FGF14: variants seen among roughly 807,000 people sequenced by gnomAD.
FGF14 encodes fibroblast growth factor 14.
A neutral mutation model predicts 25.5 loss-of-function variants in FGF14; 5 were observed. That is an observed-to-expected ratio of 0.20 (90% CI 0.10 to 0.41). The LOEUF (loss-of-function observed/expected upper bound fraction) is 0.41, where lower values mean the gene tolerates loss of function less well. Among genes scored for constraint, FGF14 ranks in the 10% least tolerant of loss-of-function variants. The pLI is 1.00. For missense variants in FGF14, 222 were observed against 320.1 expected, an observed-to-expected ratio of 0.69 and a Z score of 2.34; for synonymous variants, 138 against 118.3, an observed-to-expected ratio of 1.17 and a Z score of -1.08.
At chr13:101,881,614 T>A (rs1020794439) in intron 1 of FGF14, among the ~76,000 whole-genome samples, 1 of 145,796 alleles carries the variant, frequency 6.9e-6, no homozygotes, top group African/African-American at 2.6e-5. Context: ...TGATAACATT[T>A]GGGATCCAAG....
chr13:101,915,363 A>C (rs772722967), intron 1 of FGF14, among the ~76,000 whole-genome samples: 5 of 152,236 alleles, frequency 3.3e-5, no homozygotes, highest in Non-Finnish European at 7.3e-5. Flanking sequence ...GGCATTTAAA[A>C]CAAATACAGC....
intron 3 of FGF14, among the ~76,000 whole-genome samples, chr13:101,782,216 TATTTA>T (rs143634521): frequency 0.013 from 1,957 of 152,332 alleles, 55 homozygotes; most frequent in African/African-American, 0.045. Flanking sequence ...GCGTTAGCCA[TATTTA>T]ATTACTTAGC....
intron 1 of FGF14, among the ~76,000 whole-genome samples, chr13:102,281,505 C>T (rs530401681): frequency 2.5e-4 from 38 of 152,210 alleles, no homozygotes; most frequent in African/African-American, 9.2e-4. Context: ...AGTGCTTTGA[C>T]CTGACTCTAC....
Position 101,715,739 on chromosome 13 carries a change from C to G in FGF14, c.*7092G>C. ...CGAAGGAAACCATGTATATTCACCA[C>G]TAGGACAGGTTAAAAAGACCATTGT... On this transcript the variant is annotated 3_prime_UTR_variant, in exon 5 of 5. Transcript: ENST00000376143. The G allele has an allele frequency of 1.2e-6, 1 of 802,462 alleles. No homozygotes were observed. The highest frequency in any genetic ancestry group is 2.5e-5 in the East Asian group (1 of 40,382). The allele number at this position is 802,462 out of a possible 1,614,324, so 49.7% of individuals were successfully genotyped here. A position where few individuals can be genotyped will look rare whatever the true frequency, so the allele number is the denominator to read the frequency against.
At chr13:102,137,583 C>T (rs1003845206) in intron 1 of FGF14, among the ~76,000 whole-genome samples, 4 of 152,098 alleles carry the variant, frequency 2.6e-5, no homozygotes, top group Non-Finnish European at 4.4e-5. Flanking sequence ...CTGTCAACAC[C>T]TTGAATTTGT....
intron 1 of FGF14, among the ~76,000 whole-genome samples, chr13:102,057,916 G>A (rs1021235031): frequency 6.6e-6 from 1 of 152,162 alleles, no homozygotes; most frequent in Non-Finnish European, 1.5e-5. Context: ...CCATCACTAA[G>A]CATACTTTGT....
intron 1 of FGF14, among the ~76,000 whole-genome samples, chr13:101,968,329 C>G (rs1352451924): frequency 6.6e-6 from 1 of 151,978 alleles, no homozygotes; most frequent in Non-Finnish European, 1.5e-5. Flanking sequence ...AAATATTTTA[C>G]CTGTTGGATG....
At chr13:102,363,271 C>T (rs1473196024) in intron 1 of FGF14, among the ~76,000 whole-genome samples, 1 of 152,088 alleles carries the variant, frequency 6.6e-6, no homozygotes, top group African/African-American at 2.4e-5. Context: ...ATTAGAGTTG[C>T]TAATTTATTT....
chr13:101,976,833 G>C (rs1458451692), intron 1 of FGF14, among the ~76,000 whole-genome samples: 1 of 152,152 alleles, frequency 6.6e-6, no homozygotes, highest in Non-Finnish European at 1.5e-5. Flanking sequence ...CCCCAACTTG[G>C]TAGTTTATGC....
chr13:101,986,515 A>T (rs1239372196), intron 1 of FGF14, among the ~76,000 whole-genome samples: 1 of 152,136 alleles, frequency 6.6e-6, no homozygotes, highest in African/African-American at 2.4e-5. Context: ...ACCCCAAAGA[A>T]AAAGAGTGTT....
chr13:102,033,455 A>T (rs1051343366), intron 1 of FGF14, among the ~76,000 whole-genome samples: 3 of 152,052 alleles, frequency 2.0e-5, no homozygotes, highest in African/African-American at 7.2e-5. Flanking sequence ...AGCTTAACAG[A>T]CCCATTCAAA....
At chr13:101,781,475 G>C (rs1226025243) in intron 3 of FGF14, among the ~76,000 whole-genome samples, 1 of 152,076 alleles carries the variant, frequency 6.6e-6, no homozygotes, top group Non-Finnish European at 1.5e-5. Context: ...TTCAATTGTT[G>C]CATTTTCTAA....
chr13:102,397,934 C>A (rs144945925), intron 1 of FGF14, among the ~76,000 whole-genome samples: 1 of 152,052 alleles, frequency 6.6e-6, no homozygotes, highest in East Asian at 1.9e-4. Flanking sequence ...TTGCATGACT[C>A]CTACAGTGAA....
At chr13:101,782,465 G>A (rs998943861) in intron 3 of FGF14, among the ~76,000 whole-genome samples, 5 of 152,098 alleles carry the variant, frequency 3.3e-5, no homozygotes, top group Middle Eastern at 6.8e-3. Flanking sequence ...TTTGTTGCAC[G>A]GATTATTTCA....
intron 3 of FGF14, among the ~76,000 whole-genome samples, chr13:101,817,926 C>T (rs74121040): frequency 2.2e-3 from 342 of 152,312 alleles, no homozygotes; most frequent in Middle Eastern, 6.8e-3. Context: ...TTAGTTACCA[C>T]GTACGATTGT....
intron 1 of FGF14, among the ~76,000 whole-genome samples, chr13:102,152,783 T>C (rs1421434635): frequency 1.3e-5 from 2 of 152,208 alleles, no homozygotes; most frequent in Non-Finnish European, 2.9e-5. Flanking sequence ...TGCATTTTAT[T>C]CTTAGAGCTT....
At chr13:102,161,659 AAG>A (rs2047741396) in intron 1 of FGF14, among the ~76,000 whole-genome samples, 1 of 27,460 alleles carries the variant, frequency 3.6e-5, no homozygotes, top group African/African-American at 1.4e-4. Flanking sequence ...GAAGAAGAAG[AAG>A]AAGAAGAAGA....
intron 1 of FGF14, among the ~76,000 whole-genome samples, chr13:102,150,158 T>C (rs1462869411): frequency 6.6e-6 from 1 of 152,124 alleles, no homozygotes; most frequent in African/African-American, 2.4e-5. Context: ...ATGACTGCAG[T>C]CAAGTCCCTT....
At chr13:102,046,907 T>C (rs905982346) in intron 1 of FGF14, among the ~76,000 whole-genome samples, 2 of 152,174 alleles carry the variant, frequency 1.3e-5, no homozygotes, top group African/African-American at 2.4e-5. Context: ...GCTGTCATAA[T>C]TACTTAAGAA....
Sources: gnomAD v4.1 joint callset for allele counts (sites outside exome capture counted in the v4.1 genomes callset) on GRCh38, gnomAD v4.1.1 for gene constraint, MANE v1.5 for transcripts, NCBI Gene and HGNC (gene_info 2026-07-23, HGNC 2026-07-21) for gene names.